Variants in VPS13D observed in about 807,000 individuals in gnomAD.
VPS13D encodes the protein vacuolar protein sorting 13 homolog D.
In VPS13D, 187 loss-of-function variants were observed where a neutral mutation model predicts 461.9. The ratio of observed to expected loss-of-function variants is 0.40; its 90% confidence interval spans 0.36 to 0.46. The LOEUF is 0.46. VPS13D is among the 20% of genes least tolerant of loss of function. The pLI is 0.60. For synonymous variants in VPS13D, 1,951 were observed against 1,986.3 expected (o/e 0.98, Z 0.47); for missense variants, 4,711 against 5,364.9 (o/e 0.88, Z 3.81).
At chr1:12,298,110 G>C (rs1642325514) in intron 24 of VPS13D, among the ~76,000 whole-genome samples, 1 of 152,084 alleles carries the variant, frequency 6.6e-6, no homozygotes, top group South Asian at 2.1e-4. Context: ...CTCAGTTTCT[G>C]GGTGTATTGT....
intron 6 of VPS13D, among the ~76,000 whole-genome samples, chr1:12,250,712 C>T (rs1018618521): frequency 4.6e-5 from 7 of 152,256 alleles, no homozygotes; most frequent in Admixed American, 1.3e-4. Flanking sequence ...GAGGACACTA[C>T]GGCACGAGAG....
At chr1:12,443,495 A>G (rs1271390735) in intron 65 of VPS13D, among the ~76,000 whole-genome samples, 1 of 152,168 alleles carries the variant, frequency 6.6e-6, no homozygotes, top group Non-Finnish European at 1.5e-5. Context: ...GAGTTACTTG[A>G]TTAGAGAGTA....
intron 58 of VPS13D, among the ~76,000 whole-genome samples, chr1:12,383,558 A>C (rs1193168137): frequency 6.6e-6 from 1 of 152,176 alleles, no homozygotes; most frequent in Admixed American, 6.6e-5. Flanking sequence ...GGTGTATGGA[A>C]AGGATTTGTA....
chr1:12,325,915 C>T (rs138803669), intron 35 of VPS13D, among the ~76,000 whole-genome samples: 80 of 148,476 alleles, frequency 5.4e-4, no homozygotes, highest in Non-Finnish European at 1.1e-3. Flanking sequence ...GTAGAGTGAT[C>T]TATATTTTAA....
At position 12,369,487 on chromosome 1, in the gene VPS13D, G is replaced by A; in HGVS notation, c.10593G>A (p.Gln3531=). 6.2e-7 allele frequency: 1 copy of A among 1,614,134 alleles called. No individual in the cohort carries two copies. The highest frequency in any genetic ancestry group is 8.5e-7 in the Non-Finnish European group (1 of 1,180,028). The part of the protein sequence containing the change: ...NFSKVPVVFT[Q]HGVAEPRLRT... Reference sequence around the variant, plus strand: ...TCTAGGTCCCGGTTGTCTTTACTCAGCATGGCGTAGCTGAACCCAGGCTCC... The same window carrying A: ...TCTAGGTCCCGGTTGTCTTTACTCAACATGGCGTAGCTGAACCCAGGCTCC... The change falls in exon 54 of 70, where the codon CAG becomes CAA. Residue 3531 remains glutamine (Q), a synonymous_variant. Coordinates refer to ENST00000620676, the MANE Select transcript of VPS13D (RefSeq NM_015378.4).
At chr1:12,264,790 G>A (rs756190376) in intron 13 of VPS13D, among the ~76,000 whole-genome samples, 2 of 152,226 alleles carry the variant, frequency 1.3e-5, no homozygotes, top group Non-Finnish European at 2.9e-5. Flanking sequence ...TAAGATCCTT[G>A]CTATGCTAAA....
At chr1:12,436,072 G>A (rs981150651) in intron 65 of VPS13D, among the ~76,000 whole-genome samples, 1 of 152,194 alleles carries the variant, frequency 6.6e-6, no homozygotes, top group African/African-American at 2.4e-5. Flanking sequence ...TGGACAACTA[G>A]AAATGCCAGG....
intron 65 of VPS13D, among the ~76,000 whole-genome samples, chr1:12,446,876 G>A (rs1228323087): frequency 6.6e-6 from 1 of 152,180 alleles, no homozygotes; most frequent in African/African-American, 2.4e-5. Flanking sequence ...AGTAATGTAA[G>A]CTGGTGTGGT....
intron 67 of VPS13D, among the ~76,000 whole-genome samples, chr1:12,489,157 C>T (rs1305932042): frequency 1.3e-5 from 2 of 152,136 alleles, no homozygotes; most frequent in African/African-American, 4.8e-5. Flanking sequence ...GGTAGTCTCG[C>T]CCCTGAGGCA....
intron 65 of VPS13D, among the ~76,000 whole-genome samples, chr1:12,438,628 C>G (rs1260549606): frequency 6.6e-6 from 1 of 152,130 alleles, no homozygotes; most frequent in Non-Finnish European, 1.5e-5. Context: ...CCCTTGCCGA[C>G]CACATGAAAC....
chr1:12,288,389 T>G (rs1352303576), intron 22 of VPS13D, 76 bp downstream of exon 22: 4 of 1,286,838 alleles, frequency 3.1e-6, no homozygotes, highest in Non-Finnish European at 3.4e-6. Flanking sequence ...ACAAATTGAT[T>G]GTCCTCACGT....
In VPS13D at chr1:12,279,907, A is replaced by G. The variant is rs948989470; in HGVS notation, c.4602+257A>G. Among the ~76,000 whole-genome samples the G allele has an allele frequency of 2.6e-5, 4 of 152,124 alleles. No homozygotes were observed. The highest frequency in any genetic ancestry group is 9.7e-5 in the African/African-American group (4 of 41,416). ...AGACGGCAGATTCTTAATTCCATTGACATTCAGAAATGGGGAAATGATTGC... is the reference window on the plus strand; with the variant it reads ...AGACGGCAGATTCTTAATTCCATTGGCATTCAGAAATGGGGAAATGATTGC... On this transcript the variant is annotated intron_variant, in intron 20 of 69. Transcript: ENST00000620676. The surrounding 1 kb of genome is among the most constrained non-coding windows in gnomAD (Gnocchi z 4.3).
At chr1:12,442,367 TA>T (rs1645141692) in intron 65 of VPS13D, among the ~76,000 whole-genome samples, 1 of 152,236 alleles carries the variant, frequency 6.6e-6, no homozygotes, top group African/African-American at 2.4e-5. Context: ...AATCACCTTC[TA>T]AGTGCTCTGT....
At position 12,277,438 on chromosome 1, in the gene VPS13D, C is replaced by T; in HGVS notation, c.3850C>T (p.Leu1284Phe). ...TGAGAGATCTAAACAGGAGTGTTTT[C>T]TCAACCTGAAGATGGCTTCTTTACA... ...FVERSKQECF[L>F]NLKMASLHYN... The change falls in exon 19 of 70, where the codon CTC becomes TTC. Residue 1284 changes from leucine (L) to phenylalanine (F), a missense_variant. Leu to Phe is a conservative substitution (Grantham distance 22, BLOSUM62 0). Transcript: ENST00000620676. 1.9e-6 allele frequency: 3 copies of T among 1,614,178 alleles called. No individual in the cohort carries two copies. Among genetic ancestry groups the T allele is most frequent in the South Asian group, 1.1e-5 (1 of 91,084 alleles).
chr1:12,351,857 G>C (rs1643804427), intron 46 of VPS13D, among the ~76,000 whole-genome samples: 1 of 151,994 alleles, frequency 6.6e-6, no homozygotes, highest in South Asian at 2.1e-4. Context: ...CTCCCAAAGT[G>C]CTGGGATTAC....
chr1:12,277,939 C>A lies in VPS13D; in HGVS notation c.4351C>A (p.Arg1451=). ...AGAAGCTGTTGGGTCTGAAGGAAGC[C>A]GGATGTTTTGCCCACCTTCCGGGTC... The part of the protein sequence containing the change: ...GREAVGSEGS[R]MFCPPSGSGS... Residue 1451 remains arginine (R), a synonymous_variant, in exon 19 of 70, where the codon CGG becomes AGG. Transcript: ENST00000620676. 6.2e-7 allele frequency: 1 copy of A among 1,614,134 alleles called. No individual in the cohort carries two copies. The highest frequency in any genetic ancestry group is 1.3e-5 in the African/African-American group (1 of 75,024).
chr1:12,473,825 T>C lies in VPS13D; in HGVS notation c.12662+13429T>C, dbSNP rs1222911942. On this transcript the variant is annotated intron_variant, in intron 67 of 69. Transcript: ENST00000620676. The surrounding 1 kb of genome is among the most constrained non-coding windows in gnomAD (Gnocchi z 4.2). Reference sequence around the variant, plus strand: ...GGGCTTTTGTCCTTCCCATTCTCTTTCTTCACACAAAATGAACAGTTGAAC... The same window carrying C: ...GGGCTTTTGTCCTTCCCATTCTCTTCCTTCACACAAAATGAACAGTTGAAC... 1.3e-5 allele frequency among the ~76,000 whole-genome samples: 2 copies of C among 152,174 alleles called. No homozygotes were observed. The highest frequency in any genetic ancestry group is 4.8e-5 in the African/African-American group (2 of 41,434).
At chr1:12,330,124 G>T (rs1643293085) in intron 37 of VPS13D, among the ~76,000 whole-genome samples, 1 of 152,140 alleles carries the variant, frequency 6.6e-6, no homozygotes, top group African/African-American at 2.4e-5. Flanking sequence ...CAACTAAAAA[G>T]ATGTTTTTGG....
chr1:12,376,661 C>T (rs920482318), intron 55 of VPS13D, among the ~76,000 whole-genome samples: 1 of 152,198 alleles, frequency 6.6e-6, no homozygotes, highest in African/African-American at 2.4e-5. Flanking sequence ...AATGTTCATG[C>T]TACTTTGTTA....
Sources: gnomAD v4.1 joint callset for allele counts (sites outside exome capture counted in the v4.1 genomes callset) on GRCh38, gnomAD v4.1.1 for gene constraint, Gnocchi (gnomAD v3.1) non-coding constraint, MANE v1.5 for transcripts, NCBI Gene and HGNC (gene_info 2026-07-23, HGNC 2026-07-21) for gene names.